SOX5: variants seen among roughly 807,000 people sequenced by gnomAD.
The protein encoded by SOX5 is SRY-box transcription factor 5, also known as transcription factor SOX-5.
SOX5 carries 9 observed loss-of-function variants against 92.0 expected under a neutral mutation model. The observed-to-expected ratio is 0.10, with a 90% CI of 0.06 to 0.17. The LOEUF is 0.17. Among genes scored for constraint, SOX5 ranks in the 10% least tolerant of loss-of-function variants. SOX5 has a pLI of 1.00. For synonymous variants in SOX5, 344 were observed against 336.3 expected (o/e 1.02, Z -0.25); for missense variants, 642 against 944.5 (o/e 0.68, Z 4.20).
intron 4 of SOX5, among the ~76,000 whole-genome samples, chr12:24,178,414 T>C (rs1357071083): frequency 6.6e-6 from 1 of 152,138 alleles, no homozygotes; most frequent in African/African-American, 2.4e-5. Context: ...AGCACTGCAG[T>C]GAGCTGTTTA....
chr12:24,171,138 AT>A (rs71059984), intron 4 of SOX5, among the ~76,000 whole-genome samples: 24,860 of 85,104 alleles, frequency 0.29, 3,268 homozygotes, highest in East Asian at 0.72. Context: ...CCCAAGATCT[AT>A]TTTTTTTTTT....
chr12:24,156,099 G>T (rs1421853111), intron 4 of SOX5, among the ~76,000 whole-genome samples: 1 of 152,108 alleles, frequency 6.6e-6, no homozygotes, highest in Non-Finnish European at 1.5e-5. Flanking sequence ...GGCTACTAAG[G>T]CCTCTTCCAC....
intron 1 of SOX5, among the ~76,000 whole-genome samples, chr12:24,476,804 A>T (rs1945432139): frequency 6.6e-6 from 1 of 152,120 alleles, no homozygotes; most frequent in Non-Finnish European, 1.5e-5. Flanking sequence ...GCAAAAATAA[A>T]TATCTACCAT....
intron 4 of SOX5, among the ~76,000 whole-genome samples, chr12:23,979,306 C>T (rs1444335353): frequency 1.3e-5 from 2 of 152,108 alleles, no homozygotes; most frequent in African/African-American, 4.8e-5. Context: ...TCACTGCAAC[C>T]TCTGCTTCCC....
chr12:24,291,531 G>A (rs1946620113), intron 2 of SOX5, among the ~76,000 whole-genome samples: 2 of 152,288 alleles, frequency 1.3e-5, no homozygotes, highest in Admixed American at 6.5e-5. Flanking sequence ...AAGAGATGTA[G>A]ATAAATCTGC....
chr12:23,906,941 CA>C (rs34474115), intron 1 of SOX5, among the ~76,000 whole-genome samples: 1,928 of 139,114 alleles, frequency 0.014, 33 homozygotes, highest in African/African-American at 0.04. Context: ...AATAGACAGC[CA>C]AAAAAAAAAA....
chr12:24,338,796 A>C (rs1952216130), intron 2 of SOX5, among the ~76,000 whole-genome samples: 1 of 152,126 alleles, frequency 6.6e-6, no homozygotes, highest in African/African-American at 2.4e-5. Flanking sequence ...TCTCTTGCCT[A>C]CCACCACGTA....
At chr12:24,294,020 G>C (rs1395670327) in intron 2 of SOX5, among the ~76,000 whole-genome samples, 1 of 152,132 alleles carries the variant, frequency 6.6e-6, no homozygotes, top group Non-Finnish European at 1.5e-5. Context: ...ACAGCCTTAA[G>C]TCCTGGAAAA....
At chr12:24,098,629 G>A (rs573454575) in intron 4 of SOX5, among the ~76,000 whole-genome samples, 7 of 152,198 alleles carry the variant, frequency 4.6e-5, no homozygotes, top group Middle Eastern at 3.4e-3. Context: ...TCTAGAATAA[G>A]AACAAAAGCA....
chr12:23,905,786 G>GA (rs1293219067), intron 1 of SOX5, among the ~76,000 whole-genome samples: 1 of 151,942 alleles, frequency 6.6e-6, no homozygotes, highest in Non-Finnish European at 1.5e-5. Flanking sequence ...ATATTGTTTT[G>GA]AAAAAAATTA....
chr12:23,571,118 C>T (rs977971386), intron 10 of SOX5, among the ~76,000 whole-genome samples: 1 of 148,230 alleles, frequency 6.7e-6, no homozygotes, highest in African/African-American at 2.5e-5. Flanking sequence ...CACCACACTC[C>T]AGCCGGGACA....
intron 2 of SOX5, among the ~76,000 whole-genome samples, chr12:24,293,131 G>T (rs1946805817): frequency 6.6e-6 from 1 of 152,146 alleles, no homozygotes; most frequent in South Asian, 2.1e-4. Flanking sequence ...AGTCCAACAA[G>T]ATCTATTTTC....
intron 1 of SOX5, among the ~76,000 whole-genome samples, chr12:24,486,643 A>C (rs1946557305): frequency 6.6e-6 from 1 of 152,166 alleles, no homozygotes; most frequent in South Asian, 2.1e-4. Context: ...ACTTAAAGCT[A>C]GTTAAAAATA....
chr12:23,931,997 C>G (rs1201405458), intron 1 of SOX5, among the ~76,000 whole-genome samples: 2 of 151,196 alleles, frequency 1.3e-5, no homozygotes, highest in South Asian at 2.1e-4. Context: ...CTATGCAAGA[C>G]AAATCACCAT....
At chr12:23,961,686 T>C (rs1370969188) in intron 4 of SOX5, among the ~76,000 whole-genome samples, 2 of 152,326 alleles carry the variant, frequency 1.3e-5, no homozygotes, top group Middle Eastern at 3.4e-3. Flanking sequence ...CTATAAGCTA[T>C]ATAAAAATAA....
chr12:23,843,262 A>T (rs537329816), intron 3 of SOX5, among the ~76,000 whole-genome samples: 1 of 152,218 alleles, frequency 6.6e-6, no homozygotes. Flanking sequence ...CCTTGATGGT[A>T]TCTTAAAACA....
chr12:23,790,252 A>G lies in SOX5; in HGVS notation c.482-34528T>C, dbSNP rs559022819. Among the ~76,000 whole-genome samples the G allele has an allele frequency of 2.6e-5, 4 of 152,264 alleles. 1 individual carries two copies. The South Asian group carries it at 8.3e-4, about 32-fold the overall frequency. ...CATTATTATTTCTCTTCATTTACATAATTTTCTGTGTTTATGTGAATTTTA... is the reference window on the plus strand; with the variant it reads ...CATTATTATTTCTCTTCATTTACATGATTTTCTGTGTTTATGTGAATTTTA... On this transcript the variant is annotated intron_variant, in intron 3 of 14. Coordinates refer to ENST00000451604, the MANE Select transcript of SOX5 (RefSeq NM_006940.6).
chr12:24,181,624 A>T (rs1416707716), intron 4 of SOX5, among the ~76,000 whole-genome samples: 3 of 152,200 alleles, frequency 2.0e-5, no homozygotes, highest in Non-Finnish European at 4.4e-5. Context: ...GAATGATTTA[A>T]TACACAGGAA....
intron 1 of SOX5, among the ~76,000 whole-genome samples, chr12:24,544,242 G>A (rs535105747): frequency 3.5e-4 from 54 of 152,232 alleles, no homozygotes; most frequent in African/African-American, 1.2e-3. Context: ...TTATAAACTC[G>A]TCTGAGTTTT....
Sources: allele counts gnomAD v4.1 joint callset (sites outside exome capture counted in the v4.1 genomes callset), GRCh38; gene constraint gnomAD v4.1.1; transcripts MANE v1.5; gene names NCBI Gene and HGNC (gene_info 2026-07-23, HGNC 2026-07-21).